The following SYNJ2BP variants were observed in gnomAD, a reference collection of about 807,000 sequenced individuals.
SYNJ2BP encodes the protein synaptojanin 2 binding protein.
In SYNJ2BP, 10 loss-of-function variants were observed where a neutral mutation model predicts 16.9. That is an observed-to-expected ratio of 0.59 (90% CI 0.36 to 1.00). The LOEUF (loss-of-function observed/expected upper bound fraction) is 1.00, where lower values mean the gene tolerates loss of function less well. Ranked by LOEUF, SYNJ2BP falls within the 50% of genes least tolerant of loss-of-function variation. The probability of loss-of-function intolerance (pLI) is 0.01; values close to 1 mark genes in which losing one functional copy is unlikely to be tolerated. For missense variants in SYNJ2BP, 162 were observed against 186.7 expected, an observed-to-expected ratio of 0.87 and a Z score of 0.77; for synonymous variants, 54 against 68.4, an observed-to-expected ratio of 0.79 and a Z score of 1.04.
Position 70,417,003 on chromosome 14 carries a change from A to C in SYNJ2BP, c.-40T>G, listed in dbSNP as rs754838628. 1 of 1,613,960 alleles carries C rather than the reference A, an allele frequency of 6.2e-7. No individual in the cohort carries two copies. Among genetic ancestry groups the C allele is most frequent in the Non-Finnish European group, 8.5e-7 (1 of 1,179,954 alleles). On this transcript the variant is annotated 5_prime_UTR_variant, in exon 1 of 4. Coordinates refer to ENST00000256366, the MANE Select transcript of SYNJ2BP (RefSeq NM_018373.3). Reference sequence around the variant, plus strand: ...CTGGCTTCCTACTTGGGTCAGCTGGAGTGCAGCACAGGTGAAGGTGAATCA... The same window carrying C: ...CTGGCTTCCTACTTGGGTCAGCTGGCGTGCAGCACAGGTGAAGGTGAATCA...
intron 1 of SYNJ2BP, among the ~76,000 whole-genome samples, 197 bp from the exon 2 acceptor site, chr14:70,388,803 C>T (rs1887916931): frequency 6.6e-6 from 1 of 152,104 alleles, no homozygotes. Flanking sequence ...GAGTTGCTCA[C>T]TCAAATGAGG....
At chr14:70,375,570 G>T in intron 3 of SYNJ2BP, 106 bp downstream of exon 3, 2 of 1,387,600 alleles carry the variant, frequency 1.4e-6, no homozygotes, top group Non-Finnish European at 1.9e-6. Flanking sequence ...CTTCAGGGGA[G>T]TGAGGGTAAA....
chr14:70,416,014 G>A (rs981675786), intron 1 of SYNJ2BP, among the ~76,000 whole-genome samples: 2 of 152,198 alleles, frequency 1.3e-5, no homozygotes, highest in Admixed American at 1.3e-4. Flanking sequence ...TAGCCAATAA[G>A]TATCAAGAAT....
intron 1 of SYNJ2BP, among the ~76,000 whole-genome samples, chr14:70,412,456 T>C: frequency 6.6e-6 from 1 of 150,434 alleles, no homozygotes; most frequent in East Asian, 1.9e-4. Context: ...TAAATGAGTA[T>C]GTATGTATGT....
At chr14:70,410,114 T>C (rs1041569809) in intron 1 of SYNJ2BP, among the ~76,000 whole-genome samples, 1 of 152,016 alleles carries the variant, frequency 6.6e-6, no homozygotes, top group Non-Finnish European at 1.5e-5. Context: ...CAAGACCCTG[T>C]CTCAAAAATA....
chr14:70,393,726 T>C (rs1174187328), intron 1 of SYNJ2BP, among the ~76,000 whole-genome samples: 1 of 150,580 alleles, frequency 6.6e-6, no homozygotes, highest in Admixed American at 6.6e-5. Context: ...CTGCATGTTC[T>C]CACTCACATA....
chr14:70,373,380 A>G (rs1480141414), intron 3 of SYNJ2BP, among the ~76,000 whole-genome samples: 7 of 152,196 alleles, frequency 4.6e-5, no homozygotes, highest in Admixed American at 4.6e-4. Context: ...CGTGAGGGCA[A>G]GTCAGGTAAT....
intron 1 of SYNJ2BP, among the ~76,000 whole-genome samples, chr14:70,409,319 T>A (rs1888418584): frequency 6.6e-6 from 1 of 152,208 alleles, no homozygotes; most frequent in South Asian, 2.1e-4. Flanking sequence ...AAATAAATTT[T>A]AAAAAATAGT....
chr14:70,416,803 C>T, intron 1 of SYNJ2BP, 97 bp downstream of exon 1: 1 of 1,588,706 alleles, frequency 6.3e-7, no homozygotes, highest in Non-Finnish European at 8.6e-7. Flanking sequence ...TGTGGCCTGC[C>T]CGCCCCGAGG....
chr14:70,388,051 CTTCT>C (rs1259766441), intron 2 of SYNJ2BP, among the ~76,000 whole-genome samples: 1 of 152,138 alleles, frequency 6.6e-6, no homozygotes, highest in Non-Finnish European at 1.5e-5. Flanking sequence ...TCCAACCTTC[CTTCT>C]TTCTGTTTTG....
At chr14:70,388,639 G>A (rs912911018) in intron 1 of SYNJ2BP, 33 bp from the exon 2 acceptor site, 3 of 1,454,014 alleles carry the variant, frequency 2.1e-6, no homozygotes, top group African/African-American at 2.9e-5. Flanking sequence ...AAAAGATGGG[G>A]GTGAAGAAGA....
At chr14:70,373,189 GC>G in intron 3 of SYNJ2BP, 58 bp from the exon 4 acceptor site, 1 of 1,597,770 alleles carries the variant, frequency 6.3e-7, no homozygotes, top group Non-Finnish European at 8.5e-7. Context: ...CAACTGAAAC[GC>G]CCAGGTTGAT....
At chr14:70,377,394 T>C (rs1887654912) in intron 2 of SYNJ2BP, among the ~76,000 whole-genome samples, 1 of 152,198 alleles carries the variant, frequency 6.6e-6, no homozygotes, top group Non-Finnish European at 1.5e-5. Context: ...CATAGACCCA[T>C]ACTAGCTGAC....
At chr14:70,392,525 T>C (rs1888001152) in intron 1 of SYNJ2BP, among the ~76,000 whole-genome samples, 1 of 152,186 alleles carries the variant, frequency 6.6e-6, no homozygotes, top group South Asian at 2.1e-4. Context: ...TACATAGTAG[T>C]TGCTCTATTG....
At chr14:70,393,770 AG>A (rs1489031180) in intron 1 of SYNJ2BP, among the ~76,000 whole-genome samples, 1 of 145,150 alleles carries the variant, frequency 6.9e-6, no homozygotes, top group Non-Finnish European at 1.5e-5. Context: ...ACATGGACAC[AG>A]GGAGGGGAAC....
Position 70,387,461 on chromosome 14 carries a change from T to C in SYNJ2BP, c.201+1009A>G, listed in dbSNP as rs183938743. On this transcript the variant is annotated intron_variant, in intron 2 of 3. Coordinates refer to ENST00000256366, the MANE Select transcript of SYNJ2BP (RefSeq NM_018373.3). ...GGGCCCATATTTATCAGTCAACCTTTTTAGGTTTGCCTGAATTTCTTAACT... is the reference window on the plus strand; with the variant it reads ...GGGCCCATATTTATCAGTCAACCTTCTTAGGTTTGCCTGAATTTCTTAACT... Among the ~76,000 whole-genome samples, 12 of 152,306 alleles carry C rather than the reference T, an allele frequency of 7.9e-5. No homozygotes were observed. In the East Asian group the frequency reaches 1.7e-3, roughly 22 times the overall value.
chr14:70,416,957 C>T lies in SYNJ2BP; in HGVS notation c.7G>A (p.Gly3Arg), dbSNP rs774361584. The T allele has an allele frequency of 6.2e-7, 1 of 1,614,140 alleles. No homozygotes were observed. Among genetic ancestry groups the T allele is most frequent in the African/African-American group, 1.3e-5 (1 of 75,044 alleles). The change falls in exon 1 of 4, where the codon GGA (glycine) becomes AGA (arginine). Residue 3 changes from glycine to arginine, a missense_variant. Coordinates refer to ENST00000256366, the MANE Select transcript of SYNJ2BP (RefSeq NM_018373.3). MNGRVDYLVTEEE... is the reference protein window; with the variant it reads MNRRVDYLVTEEE... ...TCAGTGACCAAATAATCCACTCTTC[C>T]GTTCATGTTTTACAGCTCGTCTGGC...
At chr14:70,413,581 G>A (rs1207004795) in intron 1 of SYNJ2BP, among the ~76,000 whole-genome samples, 1 of 152,242 alleles carries the variant, frequency 6.6e-6, no homozygotes, top group Non-Finnish European at 1.5e-5. Flanking sequence ...AGAGGTTGCA[G>A]TGAGACAAGA....
chr14:70,369,037 T>C lies in SYNJ2BP; in HGVS notation c.*3954A>G, dbSNP rs1887457959. Reference sequence around the variant, plus strand: ...GATTACAAAAACACAGATTGTGAGATGCCACGCTCAGAGTTTTTGATTCAC... The same window carrying C: ...GATTACAAAAACACAGATTGTGAGACGCCACGCTCAGAGTTTTTGATTCAC... On this transcript the variant is annotated 3_prime_UTR_variant, in exon 4 of 4. Transcript: ENST00000256366. 6.6e-6 allele frequency: 1 copy of C among 152,236 alleles called. No homozygotes were observed. Among genetic ancestry groups the C allele is most frequent in the South Asian group, 2.1e-4 (1 of 4,832 alleles). The allele number at this position is 152,236 out of a possible 1,614,324, so 9.4% of individuals were successfully genotyped here.
Sources: allele counts gnomAD v4.1 joint callset (sites outside exome capture counted in the v4.1 genomes callset), GRCh38; gene constraint gnomAD v4.1.1; transcripts MANE v1.5; gene names NCBI Gene and HGNC (gene_info 2026-07-23, HGNC 2026-07-21).